Variants in ZNF511 observed in about 807,000 individuals in gnomAD.
ZNF511 encodes the protein zinc finger protein 511.
ZNF511 carries 26 observed loss-of-function variants against 24.8 expected under a neutral mutation model. The observed-to-expected ratio is 1.05, with a 90% CI of 0.77 to 1.46. The LOEUF is 1.46. ZNF511 is among the 40% of genes most tolerant of loss of function. The pLI, the probability that ZNF511 is intolerant of heterozygous loss-of-function variation, is 0.00. For synonymous variants in ZNF511, 144 were observed against 139.6 expected (o/e 1.03, Z -0.22); for missense variants, 358 against 345.0 (o/e 1.04, Z -0.30).
chr10:133,309,180 A>C (rs1448831468), intron 1 of ZNF511, 84 bp downstream of exon 1: 2 of 1,285,748 alleles, frequency 1.6e-6, no homozygotes, highest in African/African-American at 1.7e-5. Context: ...CTGGAGTGGG[A>C]GGGGCCTACG....
At chr10:133,311,664 C>A in intron 4 of ZNF511, 52 bp from the exon 5 acceptor site, 1 of 1,479,290 alleles carries the variant, frequency 6.8e-7, no homozygotes, top group Non-Finnish European at 9.3e-7. Context: ...CTGGGGAACA[C>A]AGGGGCTGTG....
rs191801908 is a variant in ZNF511, at chr10:133,311,702, C to T, written c.555-14C>T. Reference sequence around the variant, plus strand: ...AGCCGTGCAGGGCAGTTACTCACTGCTCTCTCCCCGCAGCCCAGCCTCAGC... The same window carrying T: ...AGCCGTGCAGGGCAGTTACTCACTGTTCTCTCCCCGCAGCCCAGCCTCAGC... On this transcript the variant is annotated splice_polypyrimidine_tract_variant and intron_variant, in intron 4 of 5. Transcript: ENST00000361518. 2.3e-4 allele frequency: 369 copies of T among 1,608,984 alleles called. No homozygotes were observed. The highest frequency in any genetic ancestry group is 7.1e-4 in the Middle Eastern group (4 of 5,620).
At chr10:133,311,474 A>G in intron 4 of ZNF511, 1 of 454,074 alleles carries the variant, frequency 2.2e-6, no homozygotes, top group Non-Finnish European at 3.9e-6. Flanking sequence ...TTCAAAAAAA[A>G]GTATGATTGT....
Position 133,309,839 on chromosome 10 carries a change from C to T in ZNF511, c.291C>T (p.Tyr97=). The part of the protein sequence containing the change: ...CCQVFDALDD[Y]EHHYHTLHGN... ...AGGTGTTCGATGCCCTGGACGACTA[C>T]GAGCACCACTACCACACGCTGCACG... Residue 97 remains tyrosine, a synonymous_variant, in exon 3 of 6, where the codon TAC becomes TAT. Transcript: ENST00000361518. 1.2e-6 allele frequency: 2 copies of T among 1,613,730 alleles called. No individual in the cohort carries two copies. The highest frequency in any genetic ancestry group is 1.7e-6 in the Non-Finnish European group (2 of 1,180,022).
Position 133,310,254 on chromosome 10 carries a change from G to C in ZNF511, c.520G>C (p.Asp174His). 6.2e-7 allele frequency: 1 copy of C among 1,614,024 alleles called. No individual in the cohort carries two copies. Among genetic ancestry groups the C allele is most frequent in the East Asian group, 2.2e-5 (1 of 44,892 alleles). The change falls in exon 4 of 6, where the codon GAC becomes CAC. Residue 174 changes from aspartate to histidine, a missense_variant. Asp to His is a moderately conservative substitution (Grantham distance 81, BLOSUM62 -1). Transcript: ENST00000361518. ...GGTGAGGATGCACCTGTACCCCGCG[G>C]ACTTCCGGTTTGATAAGCCAAAGAA... ...HMVRMHLYPA[D>H]FRFDKPKKSR...
chr10:133,309,224 G>A (rs1281292110), intron 1 of ZNF511, 128 bp downstream of exon 1: 1 of 987,186 alleles, frequency 1.0e-6, no homozygotes, highest in African/African-American at 3.5e-5. Context: ...GGGACAGGCG[G>A]GACCTGAGGT....
chr10:133,311,362 G>A lies in ZNF511; in HGVS notation c.555-354G>A, dbSNP rs566411531. Reference sequence around the variant, plus strand: ...CGTGCAATGCTGGATTAAGACATTCGTATTATGGAAGAGACTAGTTTATAG... The same window carrying A: ...CGTGCAATGCTGGATTAAGACATTCATATTATGGAAGAGACTAGTTTATAG... On this transcript the variant is annotated intron_variant, in intron 4 of 5. Coordinates refer to ENST00000361518, the MANE Select transcript of ZNF511 (RefSeq NM_145806.4). Among the ~76,000 whole-genome samples the A allele has an allele frequency of 2.0e-4, 30 of 152,256 alleles. No individual in the cohort carries two copies. The East Asian group carries it at 5.4e-3, about 27-fold the overall frequency.
chr10:133,311,672 G>A (rs1847991066), intron 4 of ZNF511, 44 bp from the exon 5 acceptor site: 27 of 1,527,378 alleles, frequency 1.8e-5, no homozygotes, highest in African/African-American at 4.1e-5. Context: ...CACAGGGGCT[G>A]TGGGAGCCGT....
chr10:133,312,536 G>C (rs1394270077), intron 5 of ZNF511: 10 of 1,379,644 alleles, frequency 7.2e-6, no homozygotes, highest in African/African-American at 1.5e-5. Context: ...CAGCCCCAGA[G>C]GGCTTGGCAG....
At chr10:133,312,111 A>T (rs558162969) in intron 5 of ZNF511, 5 of 1,443,782 alleles carry the variant, frequency 3.5e-6, no homozygotes, top group East Asian at 2.5e-5. Context: ...GGATGGAAAG[A>T]GTCTCACTTG....
Position 133,309,115 on chromosome 10 carries a change from GA to G in ZNF511, c.153+24del, listed in dbSNP as rs1404811553. On this transcript the variant is annotated intron_variant, in intron 1 of 5. Transcript: ENST00000361518. ...CTTCGAGGTGCGTGAGCAAAAGAGG[GA>G]AAAAGTAGTTGTAGGATCCAGTGGG... 2.3e-6 allele frequency: 3 copies of G among 1,333,040 alleles called. No homozygotes were observed. Among genetic ancestry groups the G allele is most frequent in the South Asian group, 2.4e-5 (1 of 41,928 alleles). 82.6% of individuals were successfully genotyped at this position (1,333,040 alleles called of 1,614,324 possible).
Position 133,309,017 on chromosome 10 carries a change from G to A in ZNF511, c.74G>A (p.Arg25Gln), listed in dbSNP as rs1847913400. The change falls in exon 1 of 6, where the codon CGG becomes CAG. Residue 25 changes from arginine (R) to glutamine (Q), a missense_variant. Arg to Gln is a conservative substitution (Grantham distance 43). Coordinates refer to ENST00000361518, the MANE Select transcript of ZNF511 (RefSeq NM_145806.4). ...PGAAEPLPVE[R>Q]DPAAGAAPFR... The stretch of plus-strand genomic sequence containing the variant: ...GCGGCGGAGCCGCTGCCTGTAGAGC[G>A]GGATCCCGCGGCTGGGGCCGCGCCC... The A allele has an allele frequency of 2.4e-6, 3 of 1,260,124 alleles. No individual in the cohort carries two copies. Among genetic ancestry groups the A allele is most frequent in the Non-Finnish European group, 3.0e-6 (3 of 995,988 alleles). 78.1% of individuals were successfully genotyped at this position (1,260,124 alleles called of 1,614,324 possible).
At chr10:133,312,126 T>C in intron 5 of ZNF511, 2 of 1,438,904 alleles carry the variant, frequency 1.4e-6, no homozygotes, top group Non-Finnish European at 1.8e-6. Context: ...CACTTGCAGT[T>C]GCTTCAGTCA....
chr10:133,309,496 C>G (rs997050056), intron 2 of ZNF511, 33 bp downstream of exon 2: 1 of 1,599,218 alleles, frequency 6.3e-7, no homozygotes, highest in Non-Finnish European at 8.5e-7. Flanking sequence ...GCCAGTGCTA[C>G]TCCTGCGCCG....
rs1277357306 is a variant in ZNF511, at chr10:133,313,055, C to T, written c.*189C>T. 43 of 1,415,136 alleles carry T rather than the reference C, an allele frequency of 3.0e-5. No homozygotes were observed. The highest frequency in any genetic ancestry group is 4.0e-5 in the Non-Finnish European group (43 of 1,081,066). The allele number at this position is 1,415,136 out of a possible 1,614,324, so 87.7% of individuals were successfully genotyped here. A position where few individuals can be genotyped will look rare whatever the true frequency, so the allele number is the denominator to read the frequency against. ...GTGAGGGACCCACAGATTTTGGAAA[C>T]GACCTGGACACACTATTGGGAAGGA... On this transcript the variant is annotated 3_prime_UTR_variant, in exon 6 of 6. Transcript: ENST00000361518.
intron 4 of ZNF511, chr10:133,310,542 G>C: frequency 1.9e-6 from 1 of 518,220 alleles, no homozygotes. Context: ...AGGGGGTGTG[G>C]GAATGAGCGG....
chr10:133,311,556 C>A, intron 4 of ZNF511, 160 bp from the exon 5 acceptor site: 1 of 614,364 alleles, frequency 1.6e-6, no homozygotes, highest in East Asian at 2.8e-5. Flanking sequence ...CTCCTTTTCC[C>A]AGTATCTTAA....
At chr10:133,309,681 G>A (rs1449420325) in intron 2 of ZNF511, 95 bp from the exon 3 acceptor site, 17 of 1,432,362 alleles carry the variant, frequency 1.2e-5, no homozygotes, top group African/African-American at 5.6e-5. Context: ...GATGCATAGG[G>A]GCTTTATTGG....
rs1322989910 is a variant in ZNF511 at position 133,310,504 on chromosome 10, C to G, written c.554+216C>G. 6.6e-6 allele frequency: 4 copies of G among 601,702 alleles called. No homozygotes were observed. In the Admixed American group the frequency reaches 9.1e-5, roughly 14 times the overall value. 37.3% of individuals were successfully genotyped at this position (601,702 alleles called of 1,614,324 possible). A position where few individuals can be genotyped will look rare whatever the true frequency, so the allele number is the denominator to read the frequency against. The stretch of plus-strand genomic sequence containing the variant: ...GAGGCTGGAGGGGAGCCCCTGGCTG[C>G]CCAGCTCTGTGCCGGTGGAGGCAGC... On this transcript the variant is annotated intron_variant, in intron 4 of 5. Transcript: ENST00000361518.
Sources: allele counts gnomAD v4.1 joint callset (sites outside exome capture counted in the v4.1 genomes callset), GRCh38; gene constraint gnomAD v4.1.1; transcripts MANE v1.5; gene names NCBI Gene and HGNC (gene_info 2026-07-23, HGNC 2026-07-21).